MAP3K5: variants seen among roughly 807,000 people sequenced by gnomAD.
The protein encoded by MAP3K5 is ASK-1.
Under a neutral mutation model 158.7 loss-of-function variants are expected in MAP3K5, and 56 were observed. The observed-to-expected ratio is 0.35, with a 90% CI of 0.28 to 0.44. MAP3K5 has a LOEUF of 0.44. MAP3K5 is among the 20% of genes least tolerant of loss of function. The pLI is 1.00. For missense variants in MAP3K5, 1,294 were observed against 1,674.8 expected (o/e 0.77, Z 3.97); for synonymous variants, 579 against 601.7 (o/e 0.96, Z 0.55).
At chr6:136,665,348 A>ATTTT (rs11421136) in intron 8 of MAP3K5, among the ~76,000 whole-genome samples, 4 of 142,056 alleles carry the variant, frequency 2.8e-5, no homozygotes, top group Admixed American at 7.0e-5. Context: ...GAAGAGCTGT[A>ATTTT]TTTTTTTTTT....
At chr6:136,678,437 A>G (rs940739021) in intron 7 of MAP3K5, among the ~76,000 whole-genome samples, 1 of 152,186 alleles carries the variant, frequency 6.6e-6, no homozygotes, top group Non-Finnish European at 1.5e-5. Context: ...TAATGCTGAG[A>G]ATGTCACAGT....
Position 136,593,776 on chromosome 6 carries a change from T to C in MAP3K5, c.2879-1162A>G, listed in dbSNP as rs938460370. 18 of 404,638 alleles carry C rather than the reference T, an allele frequency of 4.4e-5. No individual in the cohort carries two copies. In the East Asian group the frequency reaches 1.3e-3, roughly 29 times the overall value. 25.1% of individuals were successfully genotyped at this position (404,638 alleles called of 1,614,324 possible). On this transcript the variant is annotated intron_variant, in intron 21 of 29. Transcript: ENST00000359015. ...AAACATCTTTATCAAACACACATCC[T>C]AATGCTACAAAAGCATTTTAATAAA...
At chr6:136,766,058 A>G (rs981369737) in intron 1 of MAP3K5, among the ~76,000 whole-genome samples, 8 of 152,166 alleles carry the variant, frequency 5.3e-5, no homozygotes, top group African/African-American at 1.9e-4. Context: ...CCAAAGAGCC[A>G]TCCCAGCTGC....
chr6:136,622,056 A>C (rs1475259796), intron 15 of MAP3K5, among the ~76,000 whole-genome samples: 16 of 151,034 alleles, frequency 1.1e-4, no homozygotes, highest in African/African-American at 3.9e-4. Context: ...ACTGAACTCC[A>C]GCCTGGGTGA....
rs45626535 is a variant in MAP3K5, at chr6:136,592,477, C to T, written c.3016G>A (p.Gly1006Arg). 179 of 1,614,058 alleles carry T rather than the reference C, an allele frequency of 1.1e-4. No homozygotes were observed. In the East Asian group the frequency reaches 2.3e-3, roughly 21 times the overall value. The change falls in exon 22 of 30, where the codon GGA becomes AGA. Residue 1006 changes from glycine (G) to arginine (R), a missense_variant. By Grantham distance (125) the Gly-to-Arg change is moderately radical (BLOSUM62 -2). Around this residue, in one of 5 missense-constraint regions of MAP3K5, gnomAD observed 362 missense variants for 463.2 expected, o/e 0.78. Coordinates refer to ENST00000359015, the MANE Select transcript of MAP3K5 (RefSeq NM_005923.4). ...CGAATTCCCTTGACATCTCTTTCTCCGCAGGACTTGGCTCTTGTTTTGAAA... is the reference window on the plus strand; with the variant it reads ...CGAATTCCCTTGACATCTCTTTCTCTGCAGGACTTGGCTCTTGTTTTGAAA... ...FSFKTRAKSC[G>R]ERDVKGIRTL...
chr6:136,696,178 C>T (rs564373422), intron 5 of MAP3K5, 121 bp from the exon 6 acceptor site: 364 of 583,720 alleles, frequency 6.2e-4, no homozygotes, highest in Middle Eastern at 3.2e-3. Flanking sequence ...CACTAGAATC[C>T]ACAGAACACT....
intron 1 of MAP3K5, among the ~76,000 whole-genome samples, chr6:136,747,483 A>G (rs1783012277): frequency 6.6e-6 from 1 of 152,216 alleles, no homozygotes; most frequent in South Asian, 2.1e-4. Context: ...AAAAGGAACC[A>G]ACAGAACCGA....
intron 1 of MAP3K5, among the ~76,000 whole-genome samples, chr6:136,735,438 T>C (rs1288430084): frequency 4.6e-5 from 7 of 152,200 alleles, no homozygotes; most frequent in African/African-American, 1.4e-4. Context: ...AATCAAAATT[T>C]TGAAAACTGA....
intron 1 of MAP3K5, among the ~76,000 whole-genome samples, chr6:136,762,120 CTAATTT>C (rs1783786131): frequency 6.6e-6 from 1 of 151,988 alleles, no homozygotes; most frequent in East Asian, 1.9e-4. Context: ...TTTTTTGTTT[CTAATTT>C]TAGCAGAGAA....
chr6:136,650,907 G>T, intron 11 of MAP3K5, 77 bp downstream of exon 11: 2 of 797,098 alleles, frequency 2.5e-6, no homozygotes, highest in Non-Finnish European at 4.1e-6. Flanking sequence ...ACAGACATTT[G>T]CTGGAGTATG....
intron 8 of MAP3K5, among the ~76,000 whole-genome samples, chr6:136,660,273 C>T (rs866041120): frequency 6.6e-6 from 1 of 151,948 alleles, no homozygotes; most frequent in Admixed American, 6.5e-5. Context: ...GGAAATATGC[C>T]TGACACGGTG....
At chr6:136,668,091 C>T (rs1019992916) in intron 8 of MAP3K5, among the ~76,000 whole-genome samples, 6 of 151,862 alleles carry the variant, frequency 4.0e-5, no homozygotes, top group East Asian at 1.9e-4. Flanking sequence ...ACAAGAAATT[C>T]GCCAAAGTGG....
intron 1 of MAP3K5, among the ~76,000 whole-genome samples, chr6:136,777,735 G>T (rs1189435665): frequency 6.6e-6 from 1 of 152,124 alleles, no homozygotes; most frequent in African/African-American, 2.4e-5. Context: ...GTTCTGCATT[G>T]ACAACGCATC....
chr6:136,763,941 T>C (rs72983526), intron 1 of MAP3K5, among the ~76,000 whole-genome samples: 1 of 152,174 alleles, frequency 6.6e-6, no homozygotes, highest in Non-Finnish European at 1.5e-5. Flanking sequence ...CTGCAGAGAG[T>C]ACCCACCAAC....
chr6:136,722,673 C>CTT (rs1781794583), intron 1 of MAP3K5, among the ~76,000 whole-genome samples: 1 of 125,368 alleles, frequency 8.0e-6, no homozygotes, highest in Non-Finnish European at 1.7e-5. Context: ...TTTTTTTTTT[C>CTT]CTTTTTTTTT....
chr6:136,653,851 C>T (rs1778627120), intron 10 of MAP3K5, among the ~76,000 whole-genome samples: 1 of 152,128 alleles, frequency 6.6e-6, no homozygotes, highest in African/African-American at 2.4e-5. Context: ...TCAAGAAGGA[C>T]TACAAAATTG....
At chr6:136,568,039 T>C (rs1216732908) in intron 25 of MAP3K5, among the ~76,000 whole-genome samples, 165 bp from the exon 26 acceptor site, 1 of 152,184 alleles carries the variant, frequency 6.6e-6, no homozygotes, top group African/African-American at 2.4e-5. Flanking sequence ...TTTGTTCTTC[T>C]ATTGAACTTG....
intron 21 of MAP3K5, among the ~76,000 whole-genome samples, chr6:136,600,386 G>A (rs1455110689): frequency 6.6e-6 from 1 of 151,674 alleles, no homozygotes; most frequent in African/African-American, 2.4e-5. Context: ...AGAGATGGGG[G>A]TCTCACCATA....
intron 1 of MAP3K5, among the ~76,000 whole-genome samples, chr6:136,769,681 G>A (rs989340384): frequency 3.4e-5 from 5 of 147,262 alleles, no homozygotes; most frequent in African/African-American, 1.3e-4. Context: ...TATCCCTAAC[G>A]TCTGGCACTG....
Sources: allele counts gnomAD v4.1 joint callset (sites outside exome capture counted in the v4.1 genomes callset), GRCh38; gene constraint gnomAD v4.1.1; regional missense constraint gnomAD v4.1.1; transcripts MANE v1.5; gene names NCBI Gene and HGNC (gene_info 2026-07-23, HGNC 2026-07-21).